The following TKTL1 variants were observed in gnomAD, a reference collection of about 807,000 sequenced individuals.
TKTL1 encodes transketolase-like protein 1.
TKTL1 carries 1 observed loss-of-function variant against 39.3 expected under a neutral mutation model. The observed-to-expected ratio is 0.03, with a 90% CI of 0.01 to 0.12. The LOEUF is 0.12. Among genes scored for constraint, TKTL1 ranks in the 10% least tolerant of loss-of-function variants. The pLI, the probability that TKTL1 is intolerant of heterozygous loss-of-function variation, is 1.00. For missense variants in TKTL1, 575 were observed against 509.6 expected (o/e 1.13, Z -1.24); for synonymous variants, 262 against 193.8 (o/e 1.35, Z -2.92).
Position 154,309,380 on chromosome X carries a change from C to T in TKTL1, c.288C>T (p.Leu96=), listed in dbSNP as rs782139000. Residue 96 remains leucine (L), a synonymous_variant, in exon 3 of 13, where the codon CTC becomes CTT. Coordinates refer to ENST00000369915, the MANE Select transcript of TKTL1 (RefSeq NM_012253.4). ...TTGTGGATGTGGCAACAGGATGGCT[C>T]GGACAAGGACTGGGAGTTGCATGTG... ...LSFVDVATGW[L]GQGLGVACGM... is the part of the protein sequence containing the mutation. The T allele has an allele frequency of 1.1e-5, 13 of 1,209,736 alleles. No individual in the cohort carries two copies. The Admixed American group carries it at 1.5e-4, about 14-fold the overall frequency.
At chrX:154,313,038 T>C (rs182806627) in intron 6 of TKTL1, among the ~76,000 whole-genome samples, 34 of 112,244 alleles carry the variant, frequency 3.0e-4, no homozygotes, top group African/African-American at 1.0e-3. Context: ...GCACCCAGCA[T>C]CGGAGTAGTG....
chrX:154,296,069 C>T, intron 1 of TKTL1, 76 bp downstream of exon 1: 1 of 1,147,050 alleles, frequency 8.7e-7, no homozygotes, highest in Admixed American at 2.3e-5. Context: ...GCCATGAGGC[C>T]GTGTGGTGAA....
chrX:154,306,595 A>G (rs1408825722), intron 2 of TKTL1, among the ~76,000 whole-genome samples: 1 of 111,783 alleles, frequency 8.9e-6, no homozygotes, highest in Admixed American at 9.5e-5. Context: ...TCATTGTGCT[A>G]GGCTTTAAAC....
At chrX:154,324,258 C>T (rs1055665802) in intron 9 of TKTL1, among the ~76,000 whole-genome samples, 4 of 111,374 alleles carry the variant, frequency 3.6e-5, no homozygotes, top group Non-Finnish European at 7.6e-5. Context: ...CTGCCTCAGC[C>T]TCCTGAGTAG....
intron 7 of TKTL1, among the ~76,000 whole-genome samples, chrX:154,318,920 C>T (rs1177264269): frequency 2.7e-5 from 3 of 110,891 alleles, no homozygotes; most frequent in African/African-American, 9.8e-5. Flanking sequence ...TCATTTTTCT[C>T]TGCAACAAAA....
intron 10 of TKTL1, among the ~76,000 whole-genome samples, chrX:154,326,218 G>A (rs782278797): frequency 5.4e-5 from 6 of 111,666 alleles, no homozygotes; most frequent in African/African-American, 2.0e-4. Flanking sequence ...CCAGGCCTGA[G>A]TAGTGAGCCC....
chrX:154,304,243 A>G (rs782734983), intron 1 of TKTL1, among the ~76,000 whole-genome samples: 2 of 111,260 alleles, frequency 1.8e-5, no homozygotes, highest in Admixed American at 9.5e-5. Flanking sequence ...AAGGTATCCC[A>G]GCAATGCAGG....
Position 154,311,216 on chromosome X carries a change from C to G in TKTL1, c.648C>G (p.Thr216=), listed in dbSNP as rs1557168277. 3 of 1,211,791 alleles carry G rather than the reference C, an allele frequency of 2.5e-6. No homozygotes were observed. Among genetic ancestry groups the G allele is most frequent in the Admixed American group, 2.2e-5 (1 of 46,058 alleles). Residue 216 remains threonine, a synonymous_variant, in exon 5 of 13, where the codon ACC becomes ACG. Transcript: ENST00000369915. ...AGCCCACTGCTGTGGTGGCCAAGAC[C>G]TTCAAGGGCCGGGGCACCCCAAGTA... is the stretch of plus-strand genomic sequence containing the variant. The part of the protein sequence containing the change: ...KHKPTAVVAK[T]FKGRGTPSIE...
chrX:154,300,576 C>G (rs193297334), intron 1 of TKTL1, among the ~76,000 whole-genome samples: 3 of 112,009 alleles, frequency 2.7e-5, no homozygotes, highest in African/African-American at 9.8e-5. Flanking sequence ...GATTCTCAAG[C>G]TTGGTCGTTG....
intron 2 of TKTL1, among the ~76,000 whole-genome samples, chrX:154,306,373 A>G (rs1475523753): frequency 2.7e-5 from 3 of 111,681 alleles, no homozygotes; most frequent in Non-Finnish European, 5.7e-5. Context: ...GCACAGTGGG[A>G]AGTGAAGACA....
Position 154,320,840 on chromosome X carries a change from T to G in TKTL1, c.1113T>G (p.Phe371Leu). The change falls in exon 8 of 13, where the codon TTT (phenylalanine) becomes TTG (leucine). Residue 371 changes from phenylalanine to leucine, a missense_variant. Physicochemically the swap from Phe to Leu is conservative, Grantham distance 22 (BLOSUM62 0). Transcript: ENST00000369915. Reference sequence around the variant, plus strand: ...TTGCTGCCTTTCTGACTCGAGCATTTGATCACATCCGGATAGGAGGCCTCG... The same window carrying G: ...TTGCTGCCTTTCTGACTCGAGCATTGGATCACATCCGGATAGGAGGCCTCG... The part of the protein sequence containing the change: ...STFAAFLTRA[F>L]DHIRIGGLAE... The G allele has an allele frequency of 8.3e-7, 1 of 1,211,459 alleles. No individual in the cohort carries two copies. Among genetic ancestry groups the G allele is most frequent in the East Asian group, 3.0e-5 (1 of 33,857 alleles).
At chrX:154,316,317 G>A (rs368532428) in intron 7 of TKTL1, among the ~76,000 whole-genome samples, 58 of 111,095 alleles carry the variant, frequency 5.2e-4, no homozygotes, top group African/African-American at 1.9e-3. Flanking sequence ...TGATCCGTCC[G>A]CCTCGGCCTC....
At position 154,321,048 on chromosome X, in the gene TKTL1, C is replaced by T. The variant is rs1603354277; in HGVS notation, c.1186+135C>T. 8 of 750,703 alleles carry T rather than the reference C, an allele frequency of 1.1e-5. No individual in the cohort carries two copies. The East Asian group carries it at 2.3e-4, about 21-fold the overall frequency. 61.9% of individuals were successfully genotyped at this position (750,703 alleles called of 1,213,427 possible). ...ATTCAAGCCTTTTTCTTGAAAAAGC[C>T]ATATTGTACTTTAAAAGTGTCAGAC... On this transcript the variant is annotated intron_variant, in intron 8 of 12. Transcript: ENST00000369915.
intron 5 of TKTL1, 144 bp from the exon 6 acceptor site, chrX:154,312,436 C>A: frequency 1.9e-6 from 1 of 536,742 alleles, no homozygotes. Flanking sequence ...CTGGCTGCAG[C>A]AGCGTCCCAG....
rs386417754 is a variant in TKTL1 at position 154,316,771 on chromosome X, G to GT, written c.1029+1446dup. The stretch of plus-strand genomic sequence containing the variant: ...TGTGGTTTTTGGTTTTTTTTTGGGG[G>GT]TTTTTTTTTTTTGAGATGGAGTCTC... On this transcript the variant is annotated intron_variant, in intron 7 of 12. Transcript: ENST00000369915. Among the ~76,000 whole-genome samples, 374 of 100,546 alleles carry GT rather than the reference G, an allele frequency of 3.7e-3. 1 individual carries two copies. The highest frequency in any genetic ancestry group is 8.0e-3 in the South Asian group (18 of 2,250). 87.3% of individuals were successfully genotyped at this position (100,546 alleles called of 115,157 possible).
chrX:154,304,635 C>CCA (rs2067300851), intron 1 of TKTL1, among the ~76,000 whole-genome samples: 1 of 108,005 alleles, frequency 9.3e-6, no homozygotes, highest in Non-Finnish European at 1.9e-5. Flanking sequence ...AGGGACAGTC[C>CCA]CCATTTTCTT....
Position 154,325,226 on chromosome X carries a change from T to G in TKTL1, c.1318-113T>G, listed in dbSNP as rs376185732. 152 of 721,951 alleles carry G rather than the reference T, an allele frequency of 2.1e-4. No homozygotes were observed. In the East Asian group the frequency reaches 4.1e-3, roughly 19 times the overall value. The allele number at this position is 721,951 out of a possible 1,213,427, so 59.5% of individuals were successfully genotyped here. A position where few individuals can be genotyped will look rare whatever the true frequency, so the allele number is the denominator to read the frequency against. On this transcript the variant is annotated intron_variant, in intron 9 of 12. Transcript: ENST00000369915. ...TGCTCACCCCTTTCTCCAAAGCCTG[T>G]GTTTTTAGTAGAAAGAGCTGTCCTC...
intron 9 of TKTL1, among the ~76,000 whole-genome samples, chrX:154,324,150 G>T (rs782247222): frequency 1.8e-5 from 2 of 109,701 alleles, no homozygotes; most frequent in South Asian, 3.8e-4. Context: ...TTGTTTTTTG[G>T]GTTTTTTTTC....
In TKTL1 at chrX:154,325,410, C is replaced by T. The variant is rs370025375; in HGVS notation, c.1389C>T (p.Ile463=). 9 of 1,210,375 alleles carry T rather than the reference C, an allele frequency of 7.4e-6. No individual in the cohort carries two copies. The highest frequency in any genetic ancestry group is 5.3e-5 in the South Asian group (3 of 56,969). Residue 463 remains isoleucine (I), a synonymous_variant, in exon 10 of 13, where the codon ATC becomes ATT. Coordinates refer to ENST00000369915, the MANE Select transcript of TKTL1 (RefSeq NM_012253.4). ...ACACCCCACAAGAACGCTTTGAGAT[C>T]GGACAGGCCAAGGTAAGGGCTTACG... ...VIYTPQERFE[I]GQAKVLRHCV...
Sources: allele counts gnomAD v4.1 joint callset (sites outside exome capture counted in the v4.1 genomes callset), GRCh38; gene constraint gnomAD v4.1.1; transcripts MANE v1.5; gene names NCBI Gene and HGNC (gene_info 2026-07-23, HGNC 2026-07-21).